LRP4: variants seen among roughly 807,000 people sequenced by gnomAD.
LRP4 encodes the protein LDL receptor related protein 4, also known as low-density lipoprotein receptor-related protein 4.
A neutral mutation model predicts 220.3 loss-of-function variants in LRP4; 95 were observed. The observed-to-expected ratio is 0.43, with a 90% CI of 0.37 to 0.51. LRP4 has a LOEUF of 0.51. LRP4 is among the 20% of genes least tolerant of loss of function. The pLI is 0.00. For synonymous variants in LRP4, 903 were observed against 954.6 expected, an observed-to-expected ratio of 0.95 and a Z score of 1.00; for missense variants, 1,925 against 2,567.0, an observed-to-expected ratio of 0.75 and a Z score of 5.40.
intron 1 of LRP4, among the ~76,000 whole-genome samples, chr11:46,909,611 C>CAAAA (rs71042636): frequency 0.042 from 1,913 of 46,056 alleles, 550 homozygotes; most frequent in South Asian, 0.087. Flanking sequence ...GACTCCGTCT[C>CAAAA]AAAAAAAAAA....
chr11:46,895,424 G>A, intron 10 of LRP4, 133 bp from the exon 11 acceptor site: 1 of 1,277,346 alleles, frequency 7.8e-7, no homozygotes, highest in Non-Finnish European at 1.1e-6. Flanking sequence ...TCTAAGAAAT[G>A]GTTAAGGGCG....
intron 1 of LRP4, among the ~76,000 whole-genome samples, chr11:46,911,399 AT>A (rs898361548): frequency 1.3e-5 from 2 of 152,002 alleles, no homozygotes; most frequent in Non-Finnish European, 2.9e-5. Flanking sequence ...TTCCCCCTAC[AT>A]CTCAAATCAG....
At chr11:46,895,839 C>T (rs751803471) in intron 10 of LRP4, 45 bp downstream of exon 10, 1 of 1,605,290 alleles carries the variant, frequency 6.2e-7, no homozygotes, top group East Asian at 2.2e-5. Context: ...GTCTGCTGCC[C>T]CTGCTCAGAA....
In LRP4 at chr11:46,864,877, T is replaced by C. The variant is rs562619256; in HGVS notation, c.5155+242A>G. 2.5e-4 allele frequency among the ~76,000 whole-genome samples: 38 copies of C among 152,340 alleles called. No homozygotes were observed. In the South Asian group the frequency reaches 7.9e-3, roughly 32 times the overall value. ...AGGAAATTACATGAGAGTATGTATA[T>C]ATGCATGTGCACACACATATAATGT... On this transcript the variant is annotated intron_variant, in intron 35 of 37. Transcript: ENST00000378623.
In LRP4 at chr11:46,894,735, T is replaced by C; in HGVS notation, c.1394A>G (p.Asn465Ser). ...AAGGGCAATGGCATTCTCCAGGTTGTTAAGCAGCAGTGTGTACTCAGAGCG... is the reference window on the plus strand; with the variant it reads ...AAGGGCAATGGCATTCTCCAGGTTGCTAAGCAGCAGTGTGTACTCAGAGCG... ...PHRSEYTLLL[N>S]NLENAIALDF... Residue 465 changes from asparagine to serine, a missense_variant, in exon 12 of 38, where the codon AAC becomes AGC. Asn to Ser is a conservative substitution (Grantham distance 46). This residue lies in a region of LRP4 where 269 missense variants were observed against 436.7 expected (regional missense o/e 0.62). Transcript: ENST00000378623. 1 of 1,614,232 alleles carries C rather than the reference T, an allele frequency of 6.2e-7. No homozygotes were observed. Among genetic ancestry groups the C allele is most frequent in the Non-Finnish European group, 8.5e-7 (1 of 1,180,038 alleles).
rs1362943824 is a variant in LRP4, at chr11:46,902,819, T to G, written c.163A>C (p.Asn55His). The G allele has an allele frequency of 3.1e-6, 5 of 1,613,982 alleles. No homozygotes were observed. The East Asian group carries it at 1.1e-4, about 36-fold the overall frequency. The change falls in exon 2 of 38, where the codon AAT becomes CAT. Residue 55 changes from asparagine (N) to histidine (H), a missense_variant. Asn to His is a moderately conservative substitution (Grantham distance 68). Around this residue, in one of 3 missense-constraint regions of LRP4, gnomAD observed 412 missense variants for 505.4 expected, o/e 0.82. Coordinates refer to ENST00000378623, the MANE Select transcript of LRP4 (RefSeq NM_002334.4). ...IPAQWQCDGD[N>H]DCGDHSDEDG... ...TCATCGCTGTGGTCCCCGCAGTCATTGTCTCCATCACACTGCCACTGGGCA... is the reference window on the plus strand; with the variant it reads ...TCATCGCTGTGGTCCCCGCAGTCATGGTCTCCATCACACTGCCACTGGGCA...
chr11:46,896,087 C>T (rs1592542164), intron 9 of LRP4, 69 bp from the exon 10 acceptor site: 7 of 1,612,448 alleles, frequency 4.3e-6, no homozygotes, highest in South Asian at 1.1e-5. Context: ...CTTGGCATTC[C>T]ACCTGGACCA....
intron 1 of LRP4, among the ~76,000 whole-genome samples, chr11:46,910,734 C>T (rs2134884248): frequency 7.3e-6 from 1 of 136,800 alleles, no homozygotes; most frequent in South Asian, 2.3e-4. Flanking sequence ...AGTGCACTGG[C>T]ACAATCTCAG....
At chr11:46,910,572 A>G (rs976153831) in intron 1 of LRP4, among the ~76,000 whole-genome samples, 3 of 152,138 alleles carry the variant, frequency 2.0e-5, no homozygotes, top group African/African-American at 7.2e-5. Context: ...ACCAGGCAGC[A>G]GTACCACCAC....
intron 20 of LRP4, among the ~76,000 whole-genome samples, chr11:46,879,838 C>G (rs1941109589): frequency 1.3e-5 from 2 of 152,232 alleles, no homozygotes; most frequent in Non-Finnish European, 1.5e-5. Flanking sequence ...GGCCTTTACT[C>G]TTTAAAAATG....
chr11:46,868,635 C>G lies in LRP4; in HGVS notation c.4916G>C (p.Cys1639Ser). Residue 1639 changes from cysteine (C) to serine (S), a missense_variant, in exon 33 of 38, where the codon TGT becomes TCT. Physicochemically the swap from Cys to Ser is moderately radical, Grantham distance 112. Transcript: ENST00000378623. ...GGGCCGGCTATCAGGTTCGTCAGGACAGGCACATACGAAGTCCGAGGCTCT... is the reference window on the plus strand; with the variant it reads ...GGGCCGGCTATCAGGTTCGTCAGGAGAGGCACATACGAAGTCCGAGGCTCT... ...FARASDFVCA[C>S]PDEPDSRPCS... is the part of the protein sequence containing the mutation. The G allele has an allele frequency of 6.2e-7, 1 of 1,614,168 alleles. No homozygotes were observed. Among genetic ancestry groups the G allele is most frequent in the Middle Eastern group, 1.6e-4 (1 of 6,062 alleles).
Position 46,876,113 on chromosome 11 carries a change from T to C in LRP4, c.3537-147A>G. ...CTTGACAAAGTACTTTGCAAAATAC[T>C]TCATGTGCATTATCTCAACCTTCAT... On this transcript the variant is annotated intron_variant, in intron 25 of 37. Coordinates refer to ENST00000378623, the MANE Select transcript of LRP4 (RefSeq NM_002334.4). The C allele has an allele frequency of 3.7e-6, 3 of 814,928 alleles. No individual in the cohort carries two copies. The South Asian group carries it at 4.4e-5, about 12-fold the overall frequency. 50.5% of individuals were successfully genotyped at this position (814,928 alleles called of 1,614,324 possible).
At chr11:46,908,412 C>T (rs1012657080) in intron 1 of LRP4, among the ~76,000 whole-genome samples, 5 of 152,084 alleles carry the variant, frequency 3.3e-5, no homozygotes, top group African/African-American at 1.2e-4. Context: ...TACTTTTGCG[C>T]CAACCTAATA....
rs1447960334 is a variant in LRP4 at position 46,877,182 on chromosome 11, G to C, written c.3277+17C>G. Reference sequence around the variant, plus strand: ...GCAGGGACAGAAGGCCAGGTGGGAAGAGAGGGCCATACAGACCTTCCTGGG... The same window carrying C: ...GCAGGGACAGAAGGCCAGGTGGGAACAGAGGGCCATACAGACCTTCCTGGG... On this transcript the variant is annotated intron_variant, in intron 23 of 37. Transcript: ENST00000378623. 1 of 1,613,586 alleles carries C rather than the reference G, an allele frequency of 6.2e-7. No homozygotes were observed. The highest frequency in any genetic ancestry group is 1.7e-5 in the Admixed American group (1 of 60,014).
intron 22 of LRP4, among the ~76,000 whole-genome samples, chr11:46,878,184 A>T (rs938122003): frequency 7.9e-5 from 12 of 152,110 alleles, no homozygotes; most frequent in Admixed American, 6.6e-4. Flanking sequence ...CACTCACAAA[A>T]GTGGCACATC....
rs777229906 is a variant in LRP4 at position 46,902,917 on chromosome 11, C to A, written c.65G>T (p.Ser22Ile). 5 of 1,613,976 alleles carry A rather than the reference C, an allele frequency of 3.1e-6. No individual in the cohort carries two copies. Among genetic ancestry groups the A allele is most frequent in the Admixed American group, 1.7e-5 (1 of 60,008 alleles). Reference protein sequence around the residue: ...ALLCAHGLASSPECACGRSHF... With the variant: ...ALLCAHGLASIPECACGRSHF... ...GCTCCGACCACAAGCACACTCGGGG[C>A]TGCTGGCCAGGCCTGGGCGGAGGGA... Residue 22 changes from serine to isoleucine, a missense_variant, in exon 2 of 38, where the codon AGC becomes ATC. Physicochemically the swap from Ser to Ile is moderately radical, Grantham distance 142 (BLOSUM62 -2). Coordinates refer to ENST00000378623, the MANE Select transcript of LRP4 (RefSeq NM_002334.4).
intron 37 of LRP4, among the ~76,000 whole-genome samples, chr11:46,860,277 G>A (rs1343300906): frequency 6.6e-6 from 1 of 151,066 alleles, no homozygotes; most frequent in African/African-American, 2.4e-5. Flanking sequence ...CTAAAAAAAA[G>A]GAAATCTTCT....
Position 46,895,066 on chromosome 11 carries a change from A to G in LRP4, c.1309+100T>C. ...CTGTTGCTGCATTTTACTGTGACAG[A>G]AATCTCTCTACCTCTCTGCAAATCC... On this transcript the variant is annotated intron_variant, in intron 11 of 37. Coordinates refer to ENST00000378623, the MANE Select transcript of LRP4 (RefSeq NM_002334.4). 3 of 1,537,348 alleles carry G rather than the reference A, an allele frequency of 2.0e-6. No homozygotes were observed. In the Admixed American group the frequency reaches 5.0e-5, roughly 26 times the overall value.
chr11:46,891,804 T>G (rs978126840), intron 13 of LRP4, among the ~76,000 whole-genome samples: 28 of 152,000 alleles, frequency 1.8e-4, no homozygotes, highest in Middle Eastern at 3.4e-3. Flanking sequence ...TTTATAGAGA[T>G]GGGGTTTTGC....
Sources: allele counts gnomAD v4.1 joint callset (sites outside exome capture counted in the v4.1 genomes callset), GRCh38; gene constraint gnomAD v4.1.1; regional missense constraint gnomAD v4.1.1; transcripts MANE v1.5; gene names NCBI Gene and HGNC (gene_info 2026-07-23, HGNC 2026-07-21).